Variants in BPTF observed in about 807,000 individuals in gnomAD.
BPTF encodes nucleosome-remodeling factor subunit BPTF.
In BPTF, 18 loss-of-function variants were observed where a neutral mutation model predicts 292.5. The observed-to-expected ratio is 0.06, with a 90% CI of 0.04 to 0.09. BPTF has a LOEUF of 0.09. Among genes scored for constraint, BPTF ranks in the 10% least tolerant of loss-of-function variants. The pLI is 1.00. For synonymous variants in BPTF, 1,225 were observed against 1,251.9 expected (o/e 0.98, Z 0.45); for missense variants, 2,726 against 3,498.7 (o/e 0.78, Z 5.57).
intron 9 of BPTF, 119 bp from the exon 10 acceptor site, chr17:67,909,462 TA>T: frequency 4.3e-5 from 29 of 666,988 alleles, no homozygotes; most frequent in South Asian, 1.7e-4. Flanking sequence ...TTTTTTTTTT[TA>T]AATGAAAAAA....
chr17:67,976,714 AAT>A lies in BPTF; in HGVS notation c.8726+758_8726+759del, dbSNP rs2069513470. Among the ~76,000 whole-genome samples, 11 of 116,566 alleles carry A rather than the reference AAT, an allele frequency of 9.4e-5. 1 individual carries two copies. Among genetic ancestry groups the A allele is most frequent in the African/African-American group, 3.6e-4 (10 of 28,140 alleles). The allele number at this position is 116,566 out of a possible 152,430, so 76.5% of individuals were successfully genotyped here. The stretch of plus-strand genomic sequence containing the variant: ...AAAAAAAAAAAAAAAAAAAAAAAAA[AAT>A]AAGAATAAAAGAAGAATTTCCTGAG... On this transcript the variant is annotated intron_variant, in intron 27 of 27. Transcript: ENST00000306378.
rs1328683624 is a variant in BPTF, at chr17:67,878,604, G to A, written c.1864+3584G>A. On this transcript the variant is annotated intron_variant, in intron 4 of 27. Coordinates refer to ENST00000306378, the MANE Select transcript of BPTF (RefSeq NM_182641.4). ...GAGGACTGAGGGGACATGCTAGTGG[G>A]CATGTAGGGATATTTTACTGTTCTT... is the stretch of plus-strand genomic sequence containing the variant. 2.6e-5 allele frequency among the ~76,000 whole-genome samples: 4 copies of A among 152,248 alleles called. No individual in the cohort carries two copies. The South Asian group carries it at 8.3e-4, about 32-fold the overall frequency.
chr17:67,925,013 T>G (rs2063754484), intron 15 of BPTF, among the ~76,000 whole-genome samples: 2 of 151,172 alleles, frequency 1.3e-5, no homozygotes, highest in South Asian at 2.1e-4. Flanking sequence ...CCTCCCAAAG[T>G]GCTGGGATTT....
At chr17:67,862,062 G>A (rs772936265) in intron 2 of BPTF, among the ~76,000 whole-genome samples, 2 of 152,034 alleles carry the variant, frequency 1.3e-5, no homozygotes, top group East Asian at 1.9e-4. Context: ...TGCAACCTCC[G>A]CCTCCCAGGT....
chr17:67,846,916 G>A (rs2058070403), intron 1 of BPTF, among the ~76,000 whole-genome samples: 1 of 152,066 alleles, frequency 6.6e-6, no homozygotes, highest in Non-Finnish European at 1.5e-5. Flanking sequence ...GGCCAGGCTG[G>A]TCCTAAACTC....
chr17:67,851,373 C>T (rs2058394680), intron 1 of BPTF, among the ~76,000 whole-genome samples: 1 of 151,612 alleles, frequency 6.6e-6, no homozygotes, highest in Admixed American at 6.6e-5. Context: ...CTCACACAAC[C>T]TTTTCCAAGA....
intron 8 of BPTF, among the ~76,000 whole-genome samples, chr17:67,904,311 T>C (rs753677359): frequency 4.3e-4 from 66 of 152,386 alleles, no homozygotes; most frequent in Non-Finnish European, 7.1e-4. Context: ...ATTACAGGCA[T>C]GAGCCACTGC....
intron 14 of BPTF, among the ~76,000 whole-genome samples, chr17:67,923,903 A>G (rs569815135): frequency 1.3e-5 from 2 of 152,028 alleles, no homozygotes; most frequent in Non-Finnish European, 2.9e-5. Context: ...GCTGGAGTGC[A>G]GTGGCGCGAT....
chr17:67,849,029 G>C (rs894276587), intron 1 of BPTF, among the ~76,000 whole-genome samples: 7 of 152,170 alleles, frequency 4.6e-5, no homozygotes, highest in African/African-American at 1.7e-4. Context: ...GCTTCCCTTT[G>C]CATCAATCCT....
chr17:67,899,109 C>T (rs1484221445), intron 7 of BPTF, among the ~76,000 whole-genome samples: 1 of 152,082 alleles, frequency 6.6e-6, no homozygotes, highest in African/African-American at 2.4e-5. Flanking sequence ...TGTAAAATTA[C>T]AGACCCACAG....
chr17:67,863,833 G>A (rs990065033), intron 2 of BPTF, among the ~76,000 whole-genome samples: 3 of 152,198 alleles, frequency 2.0e-5, no homozygotes, highest in African/African-American at 7.2e-5. Flanking sequence ...GTTTAGAAAC[G>A]AAAGTTGAAA....
intron 12 of BPTF, among the ~76,000 whole-genome samples, chr17:67,919,299 G>A (rs2063281352): frequency 6.6e-6 from 1 of 151,934 alleles, no homozygotes; most frequent in Admixed American, 6.6e-5. Flanking sequence ...ACTTTGGGAG[G>A]CCAAGGCAGG....
chr17:67,961,834 TGTG>T (rs2067527726), intron 24 of BPTF, among the ~76,000 whole-genome samples: 2 of 151,916 alleles, frequency 1.3e-5, no homozygotes, highest in African/African-American at 2.4e-5. Flanking sequence ...ATTAGCCAGA[TGTG>T]GTGGCACACA....
At chr17:67,917,689 A>G (rs1598641165) in intron 11 of BPTF, among the ~76,000 whole-genome samples, 2 of 151,642 alleles carry the variant, frequency 1.3e-5, no homozygotes, top group East Asian at 3.9e-4. Flanking sequence ...CTAGAGTGCA[A>G]TGGCATGATC....
intron 26 of BPTF, among the ~76,000 whole-genome samples, chr17:67,967,441 C>A (rs1280949954): frequency 6.6e-6 from 1 of 151,906 alleles, no homozygotes; most frequent in Non-Finnish European, 1.5e-5. Context: ...CATACCCGGC[C>A]AATTGTGCAT....
intron 9 of BPTF, among the ~76,000 whole-genome samples, chr17:67,907,407 G>A (rs932589803): frequency 5.3e-5 from 8 of 149,966 alleles, no homozygotes; most frequent in African/African-American, 2.0e-4. Flanking sequence ...CCAGGCTAGA[G>A]TGCAGTGGCA....
intron 19 of BPTF, among the ~76,000 whole-genome samples, chr17:67,943,383 C>A (rs2065546332): frequency 6.6e-6 from 1 of 152,110 alleles, no homozygotes. Flanking sequence ...TTTACTTTTG[C>A]TTTCCAGTTC....
At position 67,894,017 on chromosome 17, in the gene BPTF, TTTC is replaced by T. The variant is rs755442563; in HGVS notation, c.2412-12_2412-10del. The T allele has an allele frequency of 4.4e-6, 7 of 1,608,498 alleles. No homozygotes were observed. Among genetic ancestry groups the T allele is most frequent in the Non-Finnish European group, 6.0e-6 (7 of 1,175,984 alleles). ...CAACCTAGTGAAATAATTTCTCTCA[TTTC>T]TTCTGAAATACAGGGCAAATTGGAT... On this transcript the variant is annotated splice_polypyrimidine_tract_variant and intron_variant, in intron 6 of 27. Transcript: ENST00000306378.
At chr17:67,859,827 T>C (rs1367743048) in intron 2 of BPTF, among the ~76,000 whole-genome samples, 1 of 152,220 alleles carries the variant, frequency 6.6e-6, no homozygotes, top group Non-Finnish European at 1.5e-5. Flanking sequence ...TTTCCTAATA[T>C]ATCAGTATCA....
Sources: allele counts gnomAD v4.1 joint callset (sites outside exome capture counted in the v4.1 genomes callset), GRCh38; gene constraint gnomAD v4.1.1; transcripts MANE v1.5; gene names NCBI Gene and HGNC (gene_info 2026-07-23, HGNC 2026-07-21).